The following KCNIP1 variants were observed in gnomAD, a reference collection of about 807,000 sequenced individuals.
KCNIP1 encodes A-type potassium channel modulatory protein KCNIP1.
KCNIP1 carries 18 observed loss-of-function variants against 33.0 expected under a neutral mutation model. The observed-to-expected ratio is 0.55, with a 90% confidence interval of 0.38 to 0.81. The LOEUF (loss-of-function observed/expected upper bound fraction) is 0.81. KCNIP1 is among the 30% of genes least tolerant of loss of function. The probability of loss-of-function intolerance (pLI) is 0.00; values close to 1 mark genes in which losing one functional copy is unlikely to be tolerated. For synonymous variants in KCNIP1, 93 were observed against 98.3 expected (o/e 0.95, Z 0.32); for missense variants, 238 against 271.6 (o/e 0.88, Z 0.87).
At chr5:170,650,969 G>C (rs1761023163) in intron 1 of KCNIP1, among the ~76,000 whole-genome samples, 1 of 152,214 alleles carries the variant, frequency 6.6e-6, no homozygotes, top group Admixed American at 6.5e-5. Flanking sequence ...ATGAATGACT[G>C]TACAAGGACC....
intron 1 of KCNIP1, among the ~76,000 whole-genome samples, chr5:170,676,127 G>A (rs1175529606): frequency 7.4e-6 from 1 of 135,768 alleles, no homozygotes; most frequent in Non-Finnish European, 1.6e-5. Context: ...GAGGGAGCGA[G>A]GGAGGCGGGG....
At chr5:170,395,154 G>A (rs1754726346) in intron 1 of KCNIP1, among the ~76,000 whole-genome samples, 1 of 152,172 alleles carries the variant, frequency 6.6e-6, no homozygotes. Context: ...TCTATTTTTA[G>A]TTATTTAAGA....
intron 1 of KCNIP1, among the ~76,000 whole-genome samples, chr5:170,562,766 G>T (rs1757077049): frequency 6.6e-6 from 1 of 152,188 alleles, no homozygotes; most frequent in Non-Finnish European, 1.5e-5. Flanking sequence ...AGAGAAATCT[G>T]ACTTCCAGAG....
At chr5:170,399,902 G>T (rs1312132280) in intron 1 of KCNIP1, among the ~76,000 whole-genome samples, 1 of 152,114 alleles carries the variant, frequency 6.6e-6, no homozygotes, top group African/African-American at 2.4e-5. Context: ...CTTCCAACAG[G>T]TTCCTAAAAG....
intron 1 of KCNIP1, among the ~76,000 whole-genome samples, chr5:170,398,225 G>A (rs1047628569): frequency 6.6e-6 from 1 of 152,108 alleles, no homozygotes; most frequent in South Asian, 2.1e-4. Context: ...GTGAGAGAAG[G>A]GATCCATTCA....
chr5:170,495,707 C>T (rs1488839839), intron 1 of KCNIP1, among the ~76,000 whole-genome samples: 5 of 152,310 alleles, frequency 3.3e-5, no homozygotes, highest in East Asian at 3.9e-4. Context: ...CCATTGTTTC[C>T]GTGCCACCTC....
intron 1 of KCNIP1, among the ~76,000 whole-genome samples, chr5:170,612,126 C>T (rs1256799728): frequency 1.3e-5 from 2 of 152,188 alleles, no homozygotes; most frequent in South Asian, 2.1e-4. Flanking sequence ...CTGCAACCAG[C>T]GAGCTCATGG....
chr5:170,422,913 C>T (rs1755529520), intron 1 of KCNIP1: 1 of 152,234 alleles, frequency 6.6e-6, no homozygotes, highest in African/African-American at 2.4e-5. Context: ...TGACGAAACC[C>T]TACCTCTACC....
chr5:170,406,735 C>T (rs1755048176), intron 1 of KCNIP1, among the ~76,000 whole-genome samples: 1 of 152,184 alleles, frequency 6.6e-6, no homozygotes, highest in Non-Finnish European at 1.5e-5. Flanking sequence ...GCTCCTTCCT[C>T]ATTCCGAGGC....
At chr5:170,433,714 GAAA>G (rs1234606449) in intron 1 of KCNIP1, among the ~76,000 whole-genome samples, 1 of 152,196 alleles carries the variant, frequency 6.6e-6, no homozygotes, top group Non-Finnish European at 1.5e-5. Flanking sequence ...AGGAATAAAG[GAAA>G]TCTGCCTCTG....
chr5:170,490,586 C>T (rs779419287), intron 1 of KCNIP1, among the ~76,000 whole-genome samples: 1 of 152,138 alleles, frequency 6.6e-6, no homozygotes, highest in Non-Finnish European at 1.5e-5. Context: ...TAAGATGTTA[C>T]CACTGGGGGA....
At chr5:170,617,395 AC>A (rs150594860) in intron 1 of KCNIP1, among the ~76,000 whole-genome samples, 2,573 of 152,046 alleles carry the variant, frequency 0.017, 79 homozygotes, top group African/African-American at 0.059. Context: ...TCAGGTTTTG[AC>A]CCCTCCAGAC....
intron 1 of KCNIP1, among the ~76,000 whole-genome samples, chr5:170,640,641 G>T: frequency 6.6e-6 from 1 of 152,244 alleles, no homozygotes; most frequent in East Asian, 1.9e-4. Flanking sequence ...CACTTAGCCA[G>T]GAGGGAACAT....
At position 170,557,567 on chromosome 5, in the gene KCNIP1, GACAA is replaced by G. The variant is rs546773534; in HGVS notation, c.61+52938_61+52941del. 2.0e-3 allele frequency among the ~76,000 whole-genome samples: 308 copies of G among 152,242 alleles called. 1 individual carries two copies. The highest frequency in any genetic ancestry group is 0.01 in the Middle Eastern group (3 of 294). ...ATCGTGTGGGTCCCATCCTCTCCAA[GACAA>G]ACAGTTAGAGGATGGTCAGATAGTG... On this transcript the variant is annotated intron_variant, in intron 1 of 7. Coordinates refer to ENST00000328939, the MANE Select transcript of KCNIP1 (RefSeq NM_014592.4).
chr5:170,624,895 G>A (rs908138969), intron 1 of KCNIP1, among the ~76,000 whole-genome samples: 1 of 152,126 alleles, frequency 6.6e-6, no homozygotes, highest in Non-Finnish European at 1.5e-5. Flanking sequence ...GTCTTAGCTG[G>A]GCCTGTTGGT....
chr5:170,685,459 C>G (rs1367410465), intron 1 of KCNIP1, among the ~76,000 whole-genome samples: 1 of 149,858 alleles, frequency 6.7e-6, no homozygotes, highest in Non-Finnish European at 1.5e-5. Flanking sequence ...ACCAGAATAT[C>G]TTGTATTTTG....
intron 1 of KCNIP1, among the ~76,000 whole-genome samples, chr5:170,468,601 C>T (rs1756657616): frequency 6.6e-6 from 1 of 152,080 alleles, no homozygotes; most frequent in Admixed American, 6.5e-5. Context: ...TATCATTAGG[C>T]CAGGTGCAGT....
chr5:170,371,470 A>C (rs1763841417), intron 1 of KCNIP1, among the ~76,000 whole-genome samples: 1 of 152,198 alleles, frequency 6.6e-6, no homozygotes, highest in Admixed American at 6.5e-5. Context: ...TATGGGGTAA[A>C]GACAAGAACA....
intron 1 of KCNIP1, among the ~76,000 whole-genome samples, chr5:170,354,439 G>A (rs539725769): frequency 3.0e-4 from 45 of 152,316 alleles, no homozygotes; most frequent in East Asian, 2.9e-3. Context: ...TTCAGAAACC[G>A]GATCAGCTCT....
Sources: gnomAD v4.1 joint callset for allele counts (sites outside exome capture counted in the v4.1 genomes callset) on GRCh38, gnomAD v4.1.1 for gene constraint, MANE v1.5 for transcripts, NCBI Gene and HGNC (gene_info 2026-07-23, HGNC 2026-07-21) for gene names.